The following BCL11B variants were observed in gnomAD, a reference collection of about 807,000 sequenced individuals.
The protein encoded by BCL11B is BCL11 transcription factor B.
A neutral mutation model predicts 49.9 loss-of-function variants in BCL11B; 8 were observed. The observed-to-expected ratio is 0.16, with a 90% CI of 0.09 to 0.29. The LOEUF (loss-of-function observed/expected upper bound fraction) is 0.29, where lower values mean the gene tolerates loss of function less well. BCL11B is among the 10% of genes least tolerant of loss of function. The pLI, the probability that BCL11B is intolerant of heterozygous loss-of-function variation, is 1.00. For synonymous variants in BCL11B, 739 were observed against 637.4 expected (o/e 1.16, Z -2.40); for missense variants, 1,006 against 1,351.0 (o/e 0.74, Z 4.00).
rs1408623444 is a variant in BCL11B at position 99,247,734 on chromosome 14, T to TA, written c.427+9736dup. Among the ~76,000 whole-genome samples, 1 of 152,248 alleles carries TA rather than the reference T, an allele frequency of 6.6e-6. No homozygotes were observed. The highest frequency in any genetic ancestry group is 6.5e-5 in the Admixed American group (1 of 15,288). On this transcript the variant is annotated intron_variant, in intron 2 of 3. Coordinates refer to ENST00000357195, the MANE Select transcript of BCL11B (RefSeq NM_138576.4). The surrounding 1 kb of genome is among the most constrained non-coding windows in gnomAD (Gnocchi z 4.5). ...GTGCCATATCACTAGAGGCACAGCCTAGGCACTGGGGCTACCAGCTCCTAG... is the reference window on the plus strand; with the variant it reads ...GTGCCATATCACTAGAGGCACAGCCTAAGGCACTGGGGCTACCAGCTCCTAG...
chr14:99,183,808 C>A (rs1886777661), intron 3 of BCL11B, among the ~76,000 whole-genome samples: 1 of 152,006 alleles, frequency 6.6e-6, no homozygotes, highest in African/African-American at 2.4e-5. Context: ...CGCAACTCCA[C>A]AGTCCACATG....
Position 99,241,381 on chromosome 14 carries a change from G to A in BCL11B, c.428-9824C>T, listed in dbSNP as rs1018256434. On this transcript the variant is annotated intron_variant, in intron 2 of 3. Transcript: ENST00000357195. The surrounding 1 kb of genome is among the most constrained non-coding windows in gnomAD (Gnocchi z 4.4). ...CCCAACGAGCTCCAATTCCAGATCG[G>A]GGCGAGAATCTAGCTGTAATCTCAG... is the stretch of plus-strand genomic sequence containing the variant. Among the ~76,000 whole-genome samples, 1 of 151,934 alleles carries A rather than the reference G, an allele frequency of 6.6e-6. No individual in the cohort carries two copies. Among genetic ancestry groups the A allele is most frequent in the Non-Finnish European group, 1.5e-5 (1 of 68,004 alleles).
At chr14:99,245,697 G>A (rs1278524047) in intron 2 of BCL11B, among the ~76,000 whole-genome samples, 2 of 152,186 alleles carry the variant, frequency 1.3e-5, no homozygotes, top group Non-Finnish European at 2.9e-5. Flanking sequence ...CGGTTTCGGG[G>A]AGGGGACCAC....
At position 99,174,679 on chromosome 14, in the gene BCL11B, C is replaced by G. The variant is rs748930743; in HGVS notation, c.2157G>C (p.Arg719=). The change falls in exon 4 of 4, where the codon CGG becomes CGC. Residue 719 remains arginine, a synonymous_variant. Coordinates refer to ENST00000357195, the MANE Select transcript of BCL11B (RefSeq NM_138576.4). ...SQWLVGYAAS[R]HFMKDPFLGF... ...CCAGGAAGGGGTCCTTCATGAAGTG[C>G]CGCGACGCCGCGTAGCCCACCAGCC... The G allele has an allele frequency of 2.3e-5, 36 of 1,575,296 alleles. No individual in the cohort carries two copies. In the Admixed American group the frequency reaches 6.4e-4, roughly 28 times the overall value.
intron 3 of BCL11B, among the ~76,000 whole-genome samples, chr14:99,218,066 T>A (rs938605966): frequency 7.1e-6 from 1 of 140,212 alleles, no homozygotes; most frequent in African/African-American, 2.7e-5. Context: ...TGCAGGTTTT[T>A]TTTTTTTTTT....
At chr14:99,254,991 C>T (rs1030722337) in intron 2 of BCL11B, among the ~76,000 whole-genome samples, 2 of 152,146 alleles carry the variant, frequency 1.3e-5, no homozygotes, top group Non-Finnish European at 2.9e-5. Context: ...CCTCGGAATT[C>T]AATTAAGCTA....
At position 99,231,814 on chromosome 14, in the gene BCL11B, C is replaced by T. The variant is rs910909642; in HGVS notation, c.428-257G>A. The stretch of plus-strand genomic sequence containing the variant: ...CTGGGCTGTCGGGGAGGCAGGACCC[C>T]GCCTCTGGGGGCCTGGTGCAGGGGG... On this transcript the variant is annotated intron_variant, in intron 2 of 3. Transcript: ENST00000357195. This position sits in a 1 kb window ranked among gnomAD's most constrained non-coding sequence, Gnocchi z 8.1. 6.6e-6 allele frequency among the ~76,000 whole-genome samples: 1 copy of T among 151,914 alleles called. No individual in the cohort carries two copies. The highest frequency in any genetic ancestry group is 1.5e-5 in the Non-Finnish European group (1 of 67,944).
rs1027441466 is a variant in BCL11B, at chr14:99,232,639, A to ACCAGGAG, written c.428-1089_428-1083dup. ...GGAGAGCCACAGGACCCTGCAAGCC[A>ACCAGGAG]CCAGGAGCCAGGAGCCTGTCAGTCT... On this transcript the variant is annotated intron_variant, in intron 2 of 3. Coordinates refer to ENST00000357195, the MANE Select transcript of BCL11B (RefSeq NM_138576.4). The surrounding 1 kb of genome is among the most constrained non-coding windows in gnomAD (Gnocchi z 5.1). Among the ~76,000 whole-genome samples the ACCAGGAG allele has an allele frequency of 6.6e-6, 1 of 152,206 alleles. No individual in the cohort carries two copies. Among genetic ancestry groups the ACCAGGAG allele is most frequent in the Non-Finnish European group, 1.5e-5 (1 of 68,026 alleles).
intron 3 of BCL11B, among the ~76,000 whole-genome samples, chr14:99,201,711 C>G (rs911813383): frequency 6.6e-6 from 1 of 152,208 alleles, no homozygotes; most frequent in African/African-American, 2.4e-5. Context: ...CACTGGCATC[C>G]CCTCTGCCTT....
intron 1 of BCL11B, among the ~76,000 whole-genome samples, chr14:99,258,196 C>T (rs565828523): frequency 1.3e-5 from 2 of 152,232 alleles, no homozygotes; most frequent in Non-Finnish European, 1.5e-5. Context: ...AGCATGAGGT[C>T]GTGATGTGTC....
intron 3 of BCL11B, among the ~76,000 whole-genome samples, chr14:99,211,538 G>A (rs942581840): frequency 2.6e-5 from 4 of 152,314 alleles, no homozygotes; most frequent in East Asian, 1.9e-4. Context: ...ACATGCACTC[G>A]TGTGCACACA....
At chr14:99,227,590 C>A (rs1419419353) in intron 3 of BCL11B, among the ~76,000 whole-genome samples, 1 of 152,146 alleles carries the variant, frequency 6.6e-6, no homozygotes, top group Non-Finnish European at 1.5e-5. Flanking sequence ...ACCTAGCTAG[C>A]CCCATGCTCA....
At chr14:99,176,679 G>A (rs1361803524) in intron 3 of BCL11B, among the ~76,000 whole-genome samples, 3 of 152,090 alleles carry the variant, frequency 2.0e-5, no homozygotes, top group African/African-American at 7.2e-5. Context: ...TTCTTTGGGC[G>A]GTGGGGGCTG....
intron 3 of BCL11B, among the ~76,000 whole-genome samples, chr14:99,191,164 C>T (rs1215789708): frequency 2.0e-5 from 3 of 151,980 alleles, no homozygotes; most frequent in African/African-American, 7.3e-5. Flanking sequence ...CTCCAGGAAA[C>T]CTGCGGCAAT....
At position 99,194,546 on chromosome 14, in the gene BCL11B, G is replaced by A. The variant is rs145336245; in HGVS notation, c.641-18351C>T. ...TTCTATTCCCAACCAGCTATGACTC[G>A]GCAGTTATTAGCTGGGCAACCCTGG... On this transcript the variant is annotated intron_variant, in intron 3 of 3. Coordinates refer to ENST00000357195, the MANE Select transcript of BCL11B (RefSeq NM_138576.4). The surrounding 1 kb of genome is among the most constrained non-coding windows in gnomAD (Gnocchi z 4.6). 4.5e-3 allele frequency among the ~76,000 whole-genome samples: 684 copies of A among 152,296 alleles called. 4 individuals carry two copies. The highest frequency in any genetic ancestry group is 0.015 in the African/African-American group (644 of 41,556).
At chr14:99,198,041 G>A (rs1004941937) in intron 3 of BCL11B, among the ~76,000 whole-genome samples, 11 of 152,186 alleles carry the variant, frequency 7.2e-5, no homozygotes, top group Admixed American at 2.6e-4. Flanking sequence ...CTGATCCATC[G>A]AAGGGCTGGA....
intron 3 of BCL11B, among the ~76,000 whole-genome samples, chr14:99,212,316 T>C (rs759874102): frequency 3.4e-5 from 5 of 148,410 alleles, no homozygotes; most frequent in Non-Finnish European, 7.6e-5. Context: ...AAGCCCCATG[T>C]TGTCCAAATG....
intron 3 of BCL11B, among the ~76,000 whole-genome samples, chr14:99,224,129 A>G (rs80238644): frequency 0.14 from 21,525 of 152,192 alleles, 1,670 homozygotes; most frequent in Non-Finnish European, 0.18. Context: ...CCCAGGTACC[A>G]TATCAGAGTT....
At chr14:99,177,304 C>G (rs1286488756) in intron 3 of BCL11B, among the ~76,000 whole-genome samples, 1 of 151,948 alleles carries the variant, frequency 6.6e-6, no homozygotes, top group South Asian at 2.1e-4. Flanking sequence ...GCAACTGGCT[C>G]TGGTGACACG....
Sources: allele counts gnomAD v4.1 joint callset (sites outside exome capture counted in the v4.1 genomes callset), GRCh38; gene constraint gnomAD v4.1.1; non-coding constraint Gnocchi (gnomAD v3.1); transcripts MANE v1.5; gene names NCBI Gene and HGNC (gene_info 2026-07-23, HGNC 2026-07-21).